The following RGS7 variants were observed in gnomAD, a reference collection of about 807,000 sequenced individuals.
RGS7 encodes regulator of G protein signaling 7.
A neutral mutation model predicts 81.1 loss-of-function variants in RGS7; 27 were observed. The ratio of observed to expected loss-of-function variants is 0.33; its 90% CI spans 0.25 to 0.46. The LOEUF (loss-of-function observed/expected upper bound fraction) is 0.46. Among genes scored for constraint, RGS7 ranks in the 20% least tolerant of loss-of-function variants. The pLI is 1.00. For synonymous variants in RGS7, 208 were observed against 207.7 expected (o/e 1.00, Z -0.01); for missense variants, 396 against 607.4 (o/e 0.65, Z 3.66).
chr1:240,865,735 T>A (rs1663115017), intron 9 of RGS7, among the ~76,000 whole-genome samples: 2 of 152,228 alleles, frequency 1.3e-5, no homozygotes, highest in Admixed American at 1.3e-4. Context: ...AGTGTAGACA[T>A]TCTTAGAAAT....
At chr1:240,865,724 A>C (rs1663111609) in intron 9 of RGS7, among the ~76,000 whole-genome samples, 1 of 152,200 alleles carries the variant, frequency 6.6e-6, no homozygotes, top group Non-Finnish European at 1.5e-5. Flanking sequence ...ACAAATGTAA[A>C]AGTGTAGACA....
Position 241,006,785 on chromosome 1 carries a change from C to T in RGS7, c.176-23656G>A, listed in dbSNP as rs187869150. Among the ~76,000 whole-genome samples, 21 of 152,306 alleles carry T rather than the reference C, an allele frequency of 1.4e-4. No individual in the cohort carries two copies. In the East Asian group the frequency reaches 2.7e-3, roughly 20 times the overall value. On this transcript the variant is annotated intron_variant, in intron 3 of 18. Coordinates refer to ENST00000440928, the MANE Select transcript of RGS7 (RefSeq NM_001364886.1). The stretch of plus-strand genomic sequence containing the variant: ...GGTGGACTTTCTTCCACCTCTGCCA[C>T]GAAAGATAGCAAGACCAACCCCTCC...
At chr1:241,262,050 A>G (rs1399416497) in intron 2 of RGS7, among the ~76,000 whole-genome samples, 1 of 152,170 alleles carries the variant, frequency 6.6e-6, no homozygotes, top group Non-Finnish European at 1.5e-5. Flanking sequence ...TATCAACAGG[A>G]AGACACAACT....
intron 2 of RGS7, among the ~76,000 whole-genome samples, chr1:241,115,056 A>G (rs1034553673): frequency 2.6e-5 from 4 of 152,250 alleles, no homozygotes; most frequent in Non-Finnish European, 4.4e-5. Context: ...AAAAGAAAAC[A>G]AACTGTAACC....
intron 2 of RGS7, among the ~76,000 whole-genome samples, chr1:241,302,066 A>G (rs759072273): frequency 3.3e-5 from 5 of 152,190 alleles, no homozygotes; most frequent in African/African-American, 4.8e-5. Context: ...GGAAGTTGAC[A>G]TCTGAGCAAA....
Position 240,834,471 on chromosome 1 carries a change from A to C in RGS7, c.610-7299T>G, listed in dbSNP as rs1417200982. Among the ~76,000 whole-genome samples the C allele has an allele frequency of 2.0e-5, 3 of 152,232 alleles. No homozygotes were observed. In the East Asian group the frequency reaches 5.8e-4, roughly 29 times the overall value. On this transcript the variant is annotated intron_variant, in intron 9 of 18. Coordinates refer to ENST00000440928, the MANE Select transcript of RGS7 (RefSeq NM_001364886.1). ...AGTCACAGACCATGATAAGGTGGTAAGGACTTTGGTTTAATTCTTTATTTT... is the reference window on the plus strand; with the variant it reads ...AGTCACAGACCATGATAAGGTGGTACGGACTTTGGTTTAATTCTTTATTTT...
chr1:240,860,455 A>G (rs1661998077), intron 9 of RGS7, among the ~76,000 whole-genome samples: 1 of 152,126 alleles, frequency 6.6e-6, no homozygotes, highest in African/African-American at 2.4e-5. Context: ...ATTATGTAAT[A>G]TTCCTCTTTA....
At chr1:241,123,592 A>G (rs574699946) in intron 2 of RGS7, among the ~76,000 whole-genome samples, 7 of 152,296 alleles carry the variant, frequency 4.6e-5, no homozygotes, top group African/African-American at 1.7e-4. Flanking sequence ...CTCTACTAAA[A>G]ATACAAAAAT....
intron 2 of RGS7, among the ~76,000 whole-genome samples, chr1:241,177,514 C>T (rs542034182): frequency 1.8e-4 from 27 of 152,044 alleles, no homozygotes; most frequent in Non-Finnish European, 3.2e-4. Context: ...ATAAGAAGCC[C>T]CTTGAGGGTT....
At chr1:240,943,572 T>C (rs1270206471) in intron 4 of RGS7, among the ~76,000 whole-genome samples, 2 of 152,224 alleles carry the variant, frequency 1.3e-5, no homozygotes, top group Non-Finnish European at 2.9e-5. Context: ...CCAGTCATGT[T>C]AAACACTTCC....
At chr1:241,002,137 C>T (rs1688235639) in intron 3 of RGS7, among the ~76,000 whole-genome samples, 1 of 151,978 alleles carries the variant, frequency 6.6e-6, no homozygotes, top group Non-Finnish European at 1.5e-5. Context: ...CCTAAAACTC[C>T]TCTGAAAAGC....
intron 4 of RGS7, among the ~76,000 whole-genome samples, chr1:240,969,657 A>C (rs1407247757): frequency 6.6e-6 from 1 of 152,272 alleles, no homozygotes; most frequent in African/African-American, 2.4e-5. Flanking sequence ...AGAGGTCACA[A>C]AACTCTGGGA....
At chr1:240,976,090 G>C (rs1471472405) in intron 4 of RGS7, among the ~76,000 whole-genome samples, 1 of 152,254 alleles carries the variant, frequency 6.6e-6, no homozygotes, top group Non-Finnish European at 1.5e-5. Flanking sequence ...AAAATATTTA[G>C]CTGACAGCTT....
intron 2 of RGS7, among the ~76,000 whole-genome samples, chr1:241,185,841 C>T (rs1056633520): frequency 2.6e-5 from 4 of 151,938 alleles, no homozygotes; most frequent in South Asian, 4.2e-4. Flanking sequence ...CAAGACACAG[C>T]TTAAATGAAA....
chr1:241,202,608 G>T (rs1356578510), intron 2 of RGS7, among the ~76,000 whole-genome samples: 3 of 152,178 alleles, frequency 2.0e-5, no homozygotes, highest in African/African-American at 7.2e-5. Flanking sequence ...GGGAAGCTCA[G>T]CAACGCCTGT....
At position 240,803,803 on chromosome 1, in the gene RGS7, G is replaced by A. The variant is rs1688391513; in HGVS notation, c.1270-810C>T. ...AACTCTAGTGAAATATCAGTTAGGT[G>A]TAGAGCTTGGAACTATTGGAGAGCA... On this transcript the variant is annotated intron_variant, in intron 15 of 18. Transcript: ENST00000440928. Among the ~76,000 whole-genome samples the A allele has an allele frequency of 4.6e-5, 7 of 151,922 alleles. No individual in the cohort carries two copies. The South Asian group carries it at 1.5e-3, about 32-fold the overall frequency.
At chr1:240,829,969 T>TC (rs1693549120) in intron 9 of RGS7, among the ~76,000 whole-genome samples, 1 of 152,102 alleles carries the variant, frequency 6.6e-6, no homozygotes, top group Admixed American at 6.5e-5. Context: ...GATACTGAGC[T>TC]CAGCAGGTGT....
chr1:241,075,859 T>C (rs1192183246), intron 3 of RGS7, among the ~76,000 whole-genome samples: 2 of 152,238 alleles, frequency 1.3e-5, no homozygotes, highest in African/African-American at 4.8e-5. Flanking sequence ...CTTGAGGTAC[T>C]GTGGAGTGAA....
chr1:240,836,149 G>T (rs1244907083), intron 9 of RGS7, among the ~76,000 whole-genome samples: 1 of 151,902 alleles, frequency 6.6e-6, no homozygotes, highest in African/African-American at 2.4e-5. Context: ...TGGGGTTGGG[G>T]GTGGGGGGTT....
Sources: allele counts gnomAD v4.1 joint callset (sites outside exome capture counted in the v4.1 genomes callset), GRCh38; gene constraint gnomAD v4.1.1; transcripts MANE v1.5; gene names NCBI Gene and HGNC (gene_info 2026-07-23, HGNC 2026-07-21).